Variants in PRKCH observed in about 807,000 individuals in gnomAD.
PRKCH encodes protein kinase C eta, also known as protein kinase C eta type.
In PRKCH, 28 loss-of-function variants were observed where a neutral mutation model predicts 82.5. That is an observed-to-expected ratio of 0.34 (90% confidence interval 0.25 to 0.47). The LOEUF (loss-of-function observed/expected upper bound fraction) is 0.47. Ranked by LOEUF, PRKCH falls within the 20% of genes least tolerant of loss-of-function variation. PRKCH has a pLI of 1.00. For synonymous variants in PRKCH, 322 were observed against 327.4 expected (o/e 0.98, Z 0.18); for missense variants, 705 against 881.8 (o/e 0.80, Z 2.54).
intron 2 of PRKCH, among the ~76,000 whole-genome samples, chr14:61,420,047 A>G (rs1042033196): frequency 1.3e-5 from 2 of 152,216 alleles, no homozygotes; most frequent in African/African-American, 2.4e-5. Flanking sequence ...GCTCATGGGC[A>G]TTCCGTGGTG....
intron 1 of PRKCH, among the ~76,000 whole-genome samples, chr14:61,377,652 CT>C (rs1441779843): frequency 6.6e-6 from 1 of 152,174 alleles, no homozygotes; most frequent in Admixed American, 6.5e-5. Flanking sequence ...TAAAACTTTA[CT>C]TATCAAAATA....
At chr14:61,439,812 T>G (rs934525387) in intron 2 of PRKCH, among the ~76,000 whole-genome samples, 2 of 152,100 alleles carry the variant, frequency 1.3e-5, no homozygotes, top group African/African-American at 4.8e-5. Flanking sequence ...GGAGTGAAGG[T>G]GGCAAGAAAT....
rs1886172635 is a variant in PRKCH, at chr14:61,485,381, TC to T, written c.1279-119del. The T allele has an allele frequency of 2.4e-5, 32 of 1,308,972 alleles. No homozygotes were observed. In the South Asian group the frequency reaches 4.2e-4, roughly 17 times the overall value. 81.1% of individuals were successfully genotyped at this position (1,308,972 alleles called of 1,614,324 possible). Reference sequence around the variant, plus strand: ...CACCCTGACCCATGGTCAGGATGTTTCCTGGAATACATCCACTTGACAGTGT... The same window carrying T: ...CACCCTGACCCATGGTCAGGATGTTTCTGGAATACATCCACTTGACAGTGT... On this transcript the variant is annotated intron_variant, in intron 9 of 13. Transcript: ENST00000332981.
chr14:61,260,707 G>A (rs2045037804), intron 1 of PRKCH, among the ~76,000 whole-genome samples: 1 of 152,192 alleles, frequency 6.6e-6, no homozygotes, highest in African/African-American at 2.4e-5. Flanking sequence ...CTGGATGAGA[G>A]TGGGAGATGA....
At chr14:61,265,283 C>G (rs1347432584) in intron 1 of PRKCH, among the ~76,000 whole-genome samples, 1 of 151,988 alleles carries the variant, frequency 6.6e-6, no homozygotes, top group Non-Finnish European at 1.5e-5. Flanking sequence ...GAGTTCAAGA[C>G]CAGCTTGGGC....
At chr14:61,219,358 A>C (rs2044638118) in intron 1 of PRKCH, among the ~76,000 whole-genome samples, 2 of 152,222 alleles carry the variant, frequency 1.3e-5, no homozygotes, top group South Asian at 4.1e-4. Context: ...GATGCTTCAG[A>C]AGTGAAAGAG....
chr14:61,501,450 A>G (rs3783763), intron 10 of PRKCH, among the ~76,000 whole-genome samples: 7,890 of 152,246 alleles, frequency 0.052, 318 homozygotes, highest in East Asian at 0.11. Context: ...CCCATTAAAA[A>G]AAAAAGCAGT....
chr14:61,410,945 A>G (rs934835619), intron 2 of PRKCH, among the ~76,000 whole-genome samples: 1 of 152,198 alleles, frequency 6.6e-6, no homozygotes, highest in African/African-American at 2.4e-5. Flanking sequence ...ATGATTTTTG[A>G]AAATGAGGGT....
chr14:61,398,619 A>G (rs1181542437), intron 2 of PRKCH, among the ~76,000 whole-genome samples: 1 of 152,200 alleles, frequency 6.6e-6, no homozygotes, highest in Non-Finnish European at 1.5e-5. Context: ...TGATCTTGCC[A>G]AAAAGTAGAG....
intron 1 of PRKCH, among the ~76,000 whole-genome samples, chr14:61,225,604 C>T (rs1025369195): frequency 1.3e-5 from 2 of 152,200 alleles, no homozygotes; most frequent in African/African-American, 4.8e-5. Context: ...ATAGCTCCAC[C>T]CACATATGAG....
chr14:61,449,880 CTCTCTCTCTCTCTCTCTCTCTG>C (rs1278137566), intron 5 of PRKCH, among the ~76,000 whole-genome samples: 155 of 79,546 alleles, frequency 1.9e-3, no homozygotes, highest in South Asian at 4.9e-3. Flanking sequence ...CTCTCTCTCT[CTCTCTCTCTCTCTCTCTCTCTG>C]TGTGTGTGTG....
intron 1 of PRKCH, among the ~76,000 whole-genome samples, chr14:61,195,658 G>A (rs562703988): frequency 7.2e-5 from 11 of 152,312 alleles, no homozygotes; most frequent in Non-Finnish European, 1.2e-4. Flanking sequence ...AAGACACCTT[G>A]GACTGAATTT....
intron 12 of PRKCH, 88 bp from the exon 13 acceptor site, chr14:61,547,655 C>T (rs1389819295): frequency 6.7e-7 from 1 of 1,496,560 alleles, no homozygotes; most frequent in African/African-American, 1.4e-5. Context: ...TCTCGCACAG[C>T]TCCTCTGCCA....
intron 1 of PRKCH, among the ~76,000 whole-genome samples, chr14:61,214,337 G>T (rs1318151017): frequency 2.6e-5 from 4 of 152,086 alleles, no homozygotes; most frequent in Admixed American, 2.6e-4. Context: ...CAAGGTCAGG[G>T]TTAAGAGTTT....
At chr14:61,303,948 G>A (rs1352230497) in intron 1 of PRKCH, 1 of 151,534 alleles carries the variant, frequency 6.6e-6, no homozygotes, top group African/African-American at 2.4e-5. Flanking sequence ...CTGGCTACCT[G>A]TGACTGTTGA....
chr14:61,509,724 A>C (rs1887295323), intron 10 of PRKCH, among the ~76,000 whole-genome samples: 1 of 152,002 alleles, frequency 6.6e-6, no homozygotes. Flanking sequence ...GTCTCTACTA[A>C]AAATACAAAA....
At chr14:61,207,605 A>C (rs1403793417) in intron 1 of PRKCH, among the ~76,000 whole-genome samples, 2 of 152,092 alleles carry the variant, frequency 1.3e-5, no homozygotes, top group African/African-American at 4.8e-5. Flanking sequence ...TTTTAACATA[A>C]TAATTATGGA....
intron 2 of PRKCH, among the ~76,000 whole-genome samples, chr14:61,434,999 A>C (rs1017905123): frequency 5.3e-5 from 8 of 152,194 alleles, no homozygotes; most frequent in African/African-American, 1.9e-4. Context: ...CACAACAGAA[A>C]GCTGGAAATG....
At position 61,207,621 on chromosome 14, in the gene PRKCH, TAAGAGC is replaced by T. The variant is rs1338817724; in HGVS notation, c.-19+19954_-19+19959del. On this transcript the variant is annotated intron_variant, in intron 1 of 3. Coordinates refer to the PRKCH transcript ENST00000555185. Reference sequence around the variant, plus strand: ...TTTAACATAATAATTATGGATCCATTAAGAGCTACTATTTATTGGGTACCTAGTGTC... The same window carrying T: ...TTTAACATAATAATTATGGATCCATTTACTATTTATTGGGTACCTAGTGTC... 2.9e-3 allele frequency among the ~76,000 whole-genome samples: 439 copies of T among 152,276 alleles called. 1 individual carries two copies. Among genetic ancestry groups the T allele is most frequent in the African/African-American group, 0.01 (424 of 41,534 alleles).
Sources: allele counts gnomAD v4.1 joint callset (sites outside exome capture counted in the v4.1 genomes callset), GRCh38; gene constraint gnomAD v4.1.1; transcripts MANE v1.5; gene names NCBI Gene and HGNC (gene_info 2026-07-23, HGNC 2026-07-21).